The following C13orf42 variants were observed in gnomAD, a reference collection of about 807,000 sequenced individuals.
The protein encoded by C13orf42 is uncharacterized protein C13orf42.
At position 51,085,575 on chromosome 13, in the gene C13orf42, A is replaced by G. The variant is rs1953114115; in HGVS notation, c.563-16T>C. 2.5e-6 allele frequency: 1 copy of G among 398,886 alleles called. No individual in the cohort carries two copies. The highest frequency in any genetic ancestry group is 4.4e-6 in the Non-Finnish European group (1 of 226,278). The allele number at this position is 398,886 out of a possible 1,614,324, so 24.7% of individuals were successfully genotyped here. A position where few individuals can be genotyped will look rare whatever the true frequency, so the allele number is the denominator to read the frequency against. On this transcript the variant is annotated splice_polypyrimidine_tract_variant and intron_variant, in intron 2 of 3. Transcript: ENST00000563710. The stretch of plus-strand genomic sequence containing the variant: ...CTGGTGGCCACTAGAAGAGAAAAGC[A>G]TGTGACCCAGGAAGGAAGGGCTTGC...
At chr13:51,126,455 T>C (rs1479190114) in intron 1 of C13orf42, among the ~76,000 whole-genome samples, 1 of 152,218 alleles carries the variant, frequency 6.6e-6, no homozygotes, top group Non-Finnish European at 1.5e-5. Flanking sequence ...CAGGAGGGCA[T>C]ATTAAAATTA....
At chr13:51,142,591 T>C (rs1953703473) in intron 1 of C13orf42, among the ~76,000 whole-genome samples, 1 of 136,644 alleles carries the variant, frequency 7.3e-6, no homozygotes. Flanking sequence ...AAAACATTTC[T>C]GCTTAAAAAA....
At chr13:51,100,635 A>G (rs1253363508) in intron 1 of C13orf42, among the ~76,000 whole-genome samples, 1 of 152,202 alleles carries the variant, frequency 6.6e-6, no homozygotes, top group Non-Finnish European at 1.5e-5. Context: ...TTTATCTATC[A>G]AATTGGCAAA....
intron 1 of C13orf42, among the ~76,000 whole-genome samples, chr13:51,169,099 AT>A (rs1953925047): frequency 6.6e-6 from 1 of 152,334 alleles, no homozygotes; most frequent in African/African-American, 2.4e-5. Flanking sequence ...GGGCATTGCT[AT>A]GAGATATCTG....
chr13:51,095,923 A>T lies in C13orf42; in HGVS notation c.415-7848T>A, dbSNP rs191792790. Among the ~76,000 whole-genome samples, 279 of 152,016 alleles carry T rather than the reference A, an allele frequency of 1.8e-3. 2 individuals carry two copies. The highest frequency in any genetic ancestry group is 3.4e-3 in the Middle Eastern group (1 of 294). On this transcript the variant is annotated intron_variant, in intron 1 of 3. Coordinates refer to ENST00000563710, the MANE Select transcript of C13orf42 (RefSeq NM_001351589.3). Reference sequence around the variant, plus strand: ...TTCTTGCTTTTTCACATAATTCATAATTTTTTTGTTGAAAGCCAGGCATTT... The same window carrying T: ...TTCTTGCTTTTTCACATAATTCATATTTTTTTTGTTGAAAGCCAGGCATTT...
At chr13:51,108,652 A>G (rs751951412) in intron 1 of C13orf42, among the ~76,000 whole-genome samples, 2 of 152,212 alleles carry the variant, frequency 1.3e-5, no homozygotes, top group Non-Finnish European at 2.9e-5. Flanking sequence ...TACGTGCAGG[A>G]GCCTACTCCT....
chr13:51,151,749 C>T (rs1212444787), intron 1 of C13orf42, among the ~76,000 whole-genome samples: 1 of 152,168 alleles, frequency 6.6e-6, no homozygotes, highest in Non-Finnish European at 1.5e-5. Flanking sequence ...ATGGTGCTCC[C>T]CTTTGCCTGG....
chr13:51,137,139 A>C (rs1953663759), intron 1 of C13orf42, among the ~76,000 whole-genome samples: 1 of 152,240 alleles, frequency 6.6e-6, no homozygotes, highest in African/African-American at 2.4e-5. Context: ...AAAACTAAAG[A>C]GAGTGCATGT....
chr13:51,160,596 C>T (rs1953856860), intron 1 of C13orf42, among the ~76,000 whole-genome samples: 2 of 152,204 alleles, frequency 1.3e-5, no homozygotes, highest in African/African-American at 2.4e-5. Context: ...AAGCAAGCCT[C>T]CCTCATTGAA....
At chr13:51,152,444 C>T (rs1953786336) in intron 1 of C13orf42, among the ~76,000 whole-genome samples, 1 of 152,202 alleles carries the variant, frequency 6.6e-6, no homozygotes, top group South Asian at 2.1e-4. Flanking sequence ...ACCTCCTGGG[C>T]TCTAGTGATC....
At chr13:51,141,575 G>A (rs1174507052) in intron 1 of C13orf42, among the ~76,000 whole-genome samples, 3 of 152,006 alleles carry the variant, frequency 2.0e-5, no homozygotes, top group Non-Finnish European at 4.4e-5. Context: ...TGAGGTGGGC[G>A]GGTCATGAGG....
At chr13:51,150,512 T>C (rs1261661692) in intron 1 of C13orf42, among the ~76,000 whole-genome samples, 1 of 152,184 alleles carries the variant, frequency 6.6e-6, no homozygotes, top group Non-Finnish European at 1.5e-5. Flanking sequence ...CCAAAACATA[T>C]ATATTCAGCC....
intron 2 of C13orf42, among the ~76,000 whole-genome samples, chr13:51,086,038 G>A (rs1009401489): frequency 2.0e-5 from 3 of 151,932 alleles, no homozygotes; most frequent in African/African-American, 7.3e-5. Context: ...CAGGCGTGGT[G>A]GCTCACACCT....
chr13:51,122,156 T>C (rs1953540665), intron 1 of C13orf42, among the ~76,000 whole-genome samples: 1 of 152,052 alleles, frequency 6.6e-6, no homozygotes, highest in South Asian at 2.1e-4. Context: ...GTAAATACGG[T>C]ATAATGTAAA....
intron 1 of C13orf42, among the ~76,000 whole-genome samples, chr13:51,100,716 C>A (rs535348887): frequency 9.9e-5 from 15 of 152,102 alleles, no homozygotes; most frequent in African/African-American, 3.6e-4. Context: ...AACCCACTGT[C>A]GATGAAAAGC....
intron 1 of C13orf42, among the ~76,000 whole-genome samples, chr13:51,103,404 A>G (rs893578643): frequency 1.3e-5 from 2 of 152,146 alleles, no homozygotes; most frequent in Non-Finnish European, 2.9e-5. Flanking sequence ...TCAGTCATAG[A>G]AAGAAAGGAA....
chr13:51,168,477 G>A (rs1288712389), intron 1 of C13orf42, among the ~76,000 whole-genome samples: 1 of 152,246 alleles, frequency 6.6e-6, no homozygotes. Flanking sequence ...GTAGTTGGAA[G>A]TGGTGAGCTT....
chr13:51,151,356 GC>G (rs1241654492), intron 1 of C13orf42, among the ~76,000 whole-genome samples: 63 of 148,106 alleles, frequency 4.3e-4, no homozygotes, highest in Non-Finnish European at 7.5e-4. Context: ...AATGCAGGTA[GC>G]CCCAAAAGCT....
intron 1 of C13orf42, among the ~76,000 whole-genome samples, chr13:51,148,319 G>A (rs1287392204): frequency 6.6e-6 from 1 of 152,236 alleles, no homozygotes; most frequent in Non-Finnish European, 1.5e-5. Context: ...ACTGCAGCAG[G>A]AAGGACTACG....
Sources: allele counts gnomAD v4.1 joint callset (sites outside exome capture counted in the v4.1 genomes callset), GRCh38; gene constraint gnomAD v4.1.1; transcripts MANE v1.5; gene names NCBI Gene and HGNC (gene_info 2026-07-23, HGNC 2026-07-21).